PRKD1: variants seen among roughly 807,000 people sequenced by gnomAD.
PRKD1 encodes the protein serine/threonine-protein kinase D1.
A neutral mutation model predicts 95.9 loss-of-function variants in PRKD1; 63 were observed. The ratio of observed to expected loss-of-function variants is 0.66; its 90% CI spans 0.54 to 0.81. The LOEUF is 0.81. Ranked by LOEUF, PRKD1 falls within the 30% of genes least tolerant of loss-of-function variation. The probability of loss-of-function intolerance (pLI) is 0.00; values close to 1 mark genes in which losing one functional copy is unlikely to be tolerated. For synonymous variants in PRKD1, 425 were observed against 423.1 expected, an observed-to-expected ratio of 1.00 and a Z score of -0.05; for missense variants, 1,048 against 1,165.3, an observed-to-expected ratio of 0.90 and a Z score of 1.47.
intron 2 of PRKD1, 101 bp from the exon 3 acceptor site, chr14:29,666,309 C>T: frequency 1.6e-6 from 2 of 1,263,560 alleles, no homozygotes; most frequent in Non-Finnish European, 1.1e-6. Flanking sequence ...ATATAACTCC[C>T]TAGGCAAAGT....
intron 16 of PRKD1, among the ~76,000 whole-genome samples, chr14:29,579,406 C>T (rs374265356): frequency 1.3e-5 from 2 of 152,168 alleles, no homozygotes; most frequent in South Asian, 2.1e-4. Context: ...TTAACCTACC[C>T]TAGGCATTAT....
At chr14:29,686,351 T>C (rs745830791) in intron 2 of PRKD1, among the ~76,000 whole-genome samples, 1 of 151,544 alleles carries the variant, frequency 6.6e-6, no homozygotes, top group Non-Finnish European at 1.5e-5. Flanking sequence ...AGTGTGTCAG[T>C]TGGGAGTGAG....
chr14:29,914,147 A>C (rs1351019795), intron 1 of PRKD1, among the ~76,000 whole-genome samples: 1 of 152,252 alleles, frequency 6.6e-6, no homozygotes, highest in Non-Finnish European at 1.5e-5. Flanking sequence ...AGACACACTT[A>C]CATCTACATT....
chr14:29,925,408 T>C (rs745522577), intron 1 of PRKD1, among the ~76,000 whole-genome samples: 5 of 152,328 alleles, frequency 3.3e-5, no homozygotes, highest in Middle Eastern at 3.4e-3. Context: ...TTGAGTTTAA[T>C]TCAAGGCCTT....
At chr14:29,613,207 G>A (rs777993048) in intron 13 of PRKD1, among the ~76,000 whole-genome samples, 3 of 152,192 alleles carry the variant, frequency 2.0e-5, no homozygotes, top group African/African-American at 7.2e-5. Context: ...AATACACACT[G>A]AAAGAGAAAG....
intron 16 of PRKD1, among the ~76,000 whole-genome samples, chr14:29,597,239 T>C (rs1439033178): frequency 6.6e-6 from 1 of 152,104 alleles, no homozygotes; most frequent in Non-Finnish European, 1.5e-5. Flanking sequence ...GGTATAAGTA[T>C]TTATAAGTTC....
intron 2 of PRKD1, among the ~76,000 whole-genome samples, chr14:29,695,211 G>A (rs1884445074): frequency 6.9e-6 from 1 of 145,904 alleles, no homozygotes; most frequent in African/African-American, 2.6e-5. Flanking sequence ...TCCAGCCTGG[G>A]CAACAAGAGG....
Position 29,724,324 on chromosome 14 carries a change from G to A in PRKD1, c.403+1212C>T, listed in dbSNP as rs191851920. 3.3e-4 allele frequency among the ~76,000 whole-genome samples: 51 copies of A among 152,292 alleles called. 1 individual carries two copies. The highest frequency in any genetic ancestry group is 6.8e-3 in the Middle Eastern group (2 of 294). On this transcript the variant is annotated intron_variant, in intron 2 of 17. Transcript: ENST00000331968. ...TATTTACAAAGCAGCCTGGCTGTGAGTTTAATATGAATTATGGCAAGAACT... is the reference window on the plus strand; with the variant it reads ...TATTTACAAAGCAGCCTGGCTGTGAATTTAATATGAATTATGGCAAGAACT...
chr14:29,870,758 T>C (rs568597475), intron 1 of PRKD1, among the ~76,000 whole-genome samples: 1 of 152,310 alleles, frequency 6.6e-6, no homozygotes, highest in East Asian at 1.9e-4. Context: ...TATAAATGAA[T>C]TATATTTAAA....
At position 29,922,510 on chromosome 14, in the gene PRKD1, A is replaced by T. The variant is rs10143328; in HGVS notation, c.264+4739T>A. On this transcript the variant is annotated intron_variant, in intron 1 of 17. Coordinates refer to ENST00000331968, the MANE Select transcript of PRKD1 (RefSeq NM_002742.3). Reference sequence around the variant, plus strand: ...AGTTAAACATAATCTACTACATATAAATTCCACATCTGTAATACATAATAT... The same window carrying T: ...AGTTAAACATAATCTACTACATATATATTCCACATCTGTAATACATAATAT... Among the ~76,000 whole-genome samples the T allele has an allele frequency of 9.6e-3, 1,468 of 152,268 alleles. 13 individuals are homozygous for T. The highest frequency in any genetic ancestry group is 0.034 in the African/African-American group (1,404 of 41,544).
intron 2 of PRKD1, among the ~76,000 whole-genome samples, chr14:29,684,030 C>G (rs1883700560): frequency 6.6e-6 from 1 of 152,144 alleles, no homozygotes; most frequent in African/African-American, 2.4e-5. Flanking sequence ...CGTGGGATTT[C>G]CTTAGCTAAA....
intron 4 of PRKD1, among the ~76,000 whole-genome samples, chr14:29,653,214 A>G (rs1027299385): frequency 6.6e-6 from 1 of 152,196 alleles, no homozygotes; most frequent in African/African-American, 2.4e-5. Flanking sequence ...CGGATTGCAT[A>G]AAATTAAAGG....
chr14:29,729,735 T>C (rs1161033042), intron 1 of PRKD1, among the ~76,000 whole-genome samples: 1 of 152,068 alleles, frequency 6.6e-6, no homozygotes, highest in Non-Finnish European at 1.5e-5. Flanking sequence ...TAGTGGAAGC[T>C]TGTATTATTG....
intron 1 of PRKD1, among the ~76,000 whole-genome samples, chr14:29,769,355 G>A (rs1177188504): frequency 1.3e-5 from 2 of 151,966 alleles, no homozygotes; most frequent in Non-Finnish European, 2.9e-5. Context: ...GACTGTTCAA[G>A]GCCAGGAATT....
chr14:29,610,517 G>T (rs1409938303), intron 13 of PRKD1, among the ~76,000 whole-genome samples: 1 of 152,154 alleles, frequency 6.6e-6, no homozygotes, highest in African/African-American at 2.4e-5. Context: ...CTCCGACAAG[G>T]CCAAATGCTG....
intron 1 of PRKD1, among the ~76,000 whole-genome samples, chr14:29,858,730 C>A (rs1004489135): frequency 1.3e-5 from 2 of 152,066 alleles, no homozygotes; most frequent in African/African-American, 2.4e-5. Flanking sequence ...TTTTTAAGTA[C>A]CTTAAACTCA....
intron 1 of PRKD1, among the ~76,000 whole-genome samples, chr14:29,746,235 A>G (rs1346130015): frequency 6.6e-6 from 1 of 151,928 alleles, no homozygotes; most frequent in Non-Finnish European, 1.5e-5. Context: ...CCTCTAGAAA[A>G]CTTTAGTTAA....
chr14:29,722,006 C>A (rs527505251), intron 2 of PRKD1, among the ~76,000 whole-genome samples: 8 of 150,096 alleles, frequency 5.3e-5, no homozygotes, highest in Non-Finnish European at 1.0e-4. Flanking sequence ...AAAGTCTGAG[C>A]AGAAAATGAT....
chr14:29,755,601 T>C (rs1332465930), intron 1 of PRKD1, among the ~76,000 whole-genome samples: 1 of 152,134 alleles, frequency 6.6e-6, no homozygotes. Flanking sequence ...CTGTCACTTG[T>C]AATCATAGGA....
Sources: gnomAD v4.1 joint callset for allele counts (sites outside exome capture counted in the v4.1 genomes callset) on GRCh38, gnomAD v4.1.1 for gene constraint, MANE v1.5 for transcripts, NCBI Gene and HGNC (gene_info 2026-07-23, HGNC 2026-07-21) for gene names.